The following MYRIP variants were observed in gnomAD, a reference collection of about 807,000 sequenced individuals.
MYRIP encodes rab effector MyRIP.
A neutral mutation model predicts 98.0 loss-of-function variants in MYRIP; 49 were observed. That is an observed-to-expected ratio of 0.50 (90% CI 0.40 to 0.63). The LOEUF is 0.63. Ranked by LOEUF, MYRIP falls within the 30% of genes least tolerant of loss-of-function variation. MYRIP has a pLI of 0.00. For missense variants in MYRIP, 1,004 were observed against 1,058.2 expected (o/e 0.95, Z 0.71); for synonymous variants, 404 against 409.5 (o/e 0.99, Z 0.16).
intron 2 of MYRIP, among the ~76,000 whole-genome samples, chr3:39,935,519 G>A (rs1559528141): frequency 6.6e-6 from 1 of 152,038 alleles, no homozygotes; most frequent in Non-Finnish European, 1.5e-5. Flanking sequence ...CTAGAGGTCT[G>A]GCATTCCACT....
At chr3:39,990,705 G>A (rs138395152) in intron 2 of MYRIP, among the ~76,000 whole-genome samples, 120 of 152,332 alleles carry the variant, frequency 7.9e-4, no homozygotes, top group Non-Finnish European at 1.3e-3. Flanking sequence ...TGGCCCAAGA[G>A]AGGATACATT....
chr3:40,067,634 G>T (rs1948149348), intron 3 of MYRIP, among the ~76,000 whole-genome samples: 2 of 152,142 alleles, frequency 1.3e-5, no homozygotes, highest in Admixed American at 1.3e-4. Flanking sequence ...TCAGAATGAA[G>T]GATAGGCCTT....
At chr3:40,096,164 C>T (rs745591145) in intron 3 of MYRIP, among the ~76,000 whole-genome samples, 8 of 151,956 alleles carry the variant, frequency 5.3e-5, no homozygotes, top group South Asian at 4.2e-4. Flanking sequence ...TAGATATACC[C>T]GAGATGGCAG....
intron 3 of MYRIP, among the ~76,000 whole-genome samples, chr3:40,078,007 A>G (rs1003784383): frequency 6.6e-6 from 1 of 152,224 alleles, no homozygotes; most frequent in African/African-American, 2.4e-5. Flanking sequence ...GGTCGGCCAC[A>G]CAGGAGCCCA....
In MYRIP at chr3:40,059,839, T is replaced by C. The variant is rs563264473; in HGVS notation, c.332+15568T>C. On this transcript the variant is annotated intron_variant, in intron 3 of 16. Coordinates refer to ENST00000302541, the MANE Select transcript of MYRIP (RefSeq NM_015460.4). ...GATCAACATTCCATCCAAAATTAGT[T>C]TCCATGTTGAGATGACAACTCCAAA... 5.3e-5 allele frequency among the ~76,000 whole-genome samples: 8 copies of C among 152,316 alleles called. No individual in the cohort carries two copies. The South Asian group carries it at 1.7e-3, about 32-fold the overall frequency.
At chr3:39,974,503 A>G (rs1485738319) in intron 2 of MYRIP, among the ~76,000 whole-genome samples, 1 of 152,222 alleles carries the variant, frequency 6.6e-6, no homozygotes, top group African/African-American at 2.4e-5. Context: ...TCCTTCTGAA[A>G]CTATTCCAAT....
chr3:40,209,776 C>T, intron 10 of MYRIP, 78 bp from the exon 11 acceptor site: 4 of 1,573,366 alleles, frequency 2.5e-6, no homozygotes, highest in Non-Finnish European at 3.5e-6. Context: ...TGTTCCTTTA[C>T]TCAGGGGTTA....
intron 2 of MYRIP, among the ~76,000 whole-genome samples, chr3:40,002,812 C>G (rs1946548510): frequency 6.6e-6 from 1 of 151,924 alleles, no homozygotes; most frequent in African/African-American, 2.4e-5. Flanking sequence ...ATTGCTATAT[C>G]TATAGTTTTA....
intron 7 of MYRIP, among the ~76,000 whole-genome samples, chr3:40,168,610 A>G (rs1368019851): frequency 6.6e-6 from 1 of 152,240 alleles, no homozygotes; most frequent in Admixed American, 6.5e-5. Context: ...CTGCACTTCA[A>G]GCTATGGGTT....
chr3:40,026,072 C>A (rs374416682), intron 2 of MYRIP, among the ~76,000 whole-genome samples: 1 of 152,056 alleles, frequency 6.6e-6, no homozygotes, highest in Non-Finnish European at 1.5e-5. Flanking sequence ...ATGCAGGAGA[C>A]CAGAGCGTAT....
chr3:39,813,371 C>T (rs1041489988), intron 1 of MYRIP, among the ~76,000 whole-genome samples: 2 of 152,140 alleles, frequency 1.3e-5, no homozygotes, highest in Non-Finnish European at 2.9e-5. Context: ...ATTGTCAGCA[C>T]GACTGAGATG....
intron 10 of MYRIP, among the ~76,000 whole-genome samples, chr3:40,193,407 C>G (rs1013879105): frequency 6.6e-6 from 1 of 152,180 alleles, no homozygotes; most frequent in Non-Finnish European, 1.5e-5. Flanking sequence ...ACTCCTTAAC[C>G]CCCTTGGTTC....
intron 8 of MYRIP, among the ~76,000 whole-genome samples, chr3:40,170,928 T>C (rs943038387): frequency 2.0e-5 from 3 of 152,132 alleles, no homozygotes; most frequent in African/African-American, 4.8e-5. Flanking sequence ...AACGAGGGCA[T>C]GCAAAGTAGC....
intron 2 of MYRIP, among the ~76,000 whole-genome samples, chr3:40,019,502 A>G (rs1199511849): frequency 6.6e-6 from 1 of 152,000 alleles, no homozygotes; most frequent in African/African-American, 2.4e-5. Flanking sequence ...GCCTCCTTAC[A>G]TGCCTATTGA....
intron 1 of MYRIP, among the ~76,000 whole-genome samples, chr3:39,881,098 A>T (rs1424741079): frequency 6.6e-6 from 1 of 151,736 alleles, no homozygotes; most frequent in Non-Finnish European, 1.5e-5. Flanking sequence ...CTTGTTCACT[A>T]ACTATTTTTT....
chr3:40,232,924 T>C (rs1952703202), intron 11 of MYRIP: 1 of 152,182 alleles, frequency 6.6e-6, no homozygotes, highest in African/African-American at 2.4e-5. Flanking sequence ...AACATGATAT[T>C]CAGAGGCAGG....
At chr3:39,952,170 T>C (rs1490663451) in intron 2 of MYRIP, among the ~76,000 whole-genome samples, 1 of 152,194 alleles carries the variant, frequency 6.6e-6, no homozygotes, top group Non-Finnish European at 1.5e-5. Context: ...GCACATGGCT[T>C]CTTTCATTTA....
intron 3 of MYRIP, among the ~76,000 whole-genome samples, chr3:40,147,891 G>T (rs1950041665): frequency 6.6e-6 from 1 of 152,112 alleles, no homozygotes; most frequent in South Asian, 2.1e-4. Flanking sequence ...TCTCTTCATT[G>T]TACTCCTGGG....
rs746688420 is a variant in MYRIP at position 40,189,887 on chromosome 3, A to AC, written c.1095dup (p.Thr366HisfsTer8). 6.2e-7 allele frequency: 1 copy of AC among 1,613,232 alleles called. No homozygotes were observed. The highest frequency in any genetic ancestry group is 8.5e-7 in the Non-Finnish European group (1 of 1,179,820). On this transcript the variant is annotated frameshift_variant, in exon 10 of 17. Transcript: ENST00000302541. LOFTEE classifies it high-confidence loss of function. ...GGGTGGCCCTGAAGGATGGCGCTCC[A>AC]CCCCCCACCCGACTACTGGCCAAAC...
Sources: allele counts gnomAD v4.1 joint callset (sites outside exome capture counted in the v4.1 genomes callset), GRCh38; gene constraint gnomAD v4.1.1; transcripts MANE v1.5; gene names NCBI Gene and HGNC (gene_info 2026-07-23, HGNC 2026-07-21).